Variants in PIK3C2A observed in about 807,000 individuals in gnomAD.
PIK3C2A encodes the protein phosphatidylinositol 4-phosphate 3-kinase C2 domain-containing subunit alpha.
In PIK3C2A, 97 loss-of-function variants were observed where a neutral mutation model predicts 204.5. That is an observed-to-expected ratio of 0.47 (90% CI 0.40 to 0.56). The LOEUF is 0.56. PIK3C2A is among the 20% of genes least tolerant of loss of function. The pLI, the probability that PIK3C2A is intolerant of heterozygous loss-of-function variation, is 0.00. For missense variants in PIK3C2A, 1,735 were observed against 1,969.2 expected, an observed-to-expected ratio of 0.88 and a Z score of 2.25; for synonymous variants, 653 against 664.4, an observed-to-expected ratio of 0.98 and a Z score of 0.26.
In PIK3C2A at chr11:17,168,872, C is replaced by T. The variant is rs765275571; in HGVS notation, c.870G>A (p.Glu290=). The change falls in exon 2 of 33, where the codon GAG becomes GAA. Residue 290 remains glutamate, a synonymous_variant. Coordinates refer to ENST00000691414, the MANE Select transcript of PIK3C2A (RefSeq NM_002645.4). The stretch of plus-strand genomic sequence containing the variant: ...GCAAACTTGAAACATTTTTCTCTTC[C>T]TCATGGTCTAATACCTCCACATTAT... ...KVDNVEVLDH[E]EEKNVSSLLA... 10 of 1,614,104 alleles carry T rather than the reference C, an allele frequency of 6.2e-6. No homozygotes were observed. The highest frequency in any genetic ancestry group is 6.8e-6 in the Non-Finnish European group (8 of 1,180,012).
rs774037537 is a variant in PIK3C2A at position 17,101,410 on chromosome 11, G to A, written c.3876C>T (p.Thr1292=). 24 of 1,557,576 alleles carry A rather than the reference G, an allele frequency of 1.5e-5. No homozygotes were observed. Among genetic ancestry groups the A allele is most frequent in the Non-Finnish European group, 1.7e-5 (19 of 1,142,932 alleles). Residue 1292 remains threonine, a synonymous_variant, in exon 25 of 33, where the codon ACC becomes ACT. Coordinates refer to ENST00000691414, the MANE Select transcript of PIK3C2A (RefSeq NM_002645.4). Reference sequence around the variant, plus strand: ...CATTAATGACATATGCCATATCAGAGGTCAGCACAAAAGGAGCCCGATCCC... The same window carrying A: ...CATTAATGACATATGCCATATCAGAAGTCAGCACAAAAGGAGCCCGATCCC... The part of the protein sequence containing the change: ...FKRDRAPFVL[T]SDMAYVINGG...
rs1403912240 is a variant in PIK3C2A at position 17,147,572 on chromosome 11, T to A, written c.1505A>T (p.Glu502Val). The A allele has an allele frequency of 1.9e-6, 3 of 1,613,126 alleles. No homozygotes were observed. The South Asian group carries it at 3.3e-5, about 18-fold the overall frequency. The change falls in exon 6 of 33, where the codon GAA becomes GTA. Residue 502 changes from glutamate to valine, a missense_variant. By Grantham distance (121) the Glu-to-Val change is moderately radical. Around this residue, in one of 6 missense-constraint regions of PIK3C2A, gnomAD observed 13 missense variants for 41.1 expected, o/e 0.32. Transcript: ENST00000691414. ...HIQNCRKWDT[E>V]IRLQLLTFSA... ...GAAGGTCAAGAGTTGTAGTCTAATT[T>A]CTGTGTCCCATTTTCGACAGTTTTG...
In PIK3C2A at chr11:17,151,168, A is replaced by T. The variant is rs555765942; in HGVS notation, c.1170-513T>A. Among the ~76,000 whole-genome samples the T allele has an allele frequency of 4.6e-5, 7 of 152,348 alleles. No homozygotes were observed. In the East Asian group the frequency reaches 1.3e-3, roughly 29 times the overall value. On this transcript the variant is annotated intron_variant, in intron 3 of 32. Transcript: ENST00000691414. ...GACAATGGTTTTTTACAGTGCTACA[A>T]GGCCTTTCTTCCCTCAAAGTGATTT...
Position 17,156,398 on chromosome 11 carries a change from G to GT in PIK3C2A, c.1066-770dup, listed in dbSNP as rs1850594129. Among the ~76,000 whole-genome samples, 12 of 151,900 alleles carry GT rather than the reference G, an allele frequency of 7.9e-5. No individual in the cohort carries two copies. In the South Asian group the frequency reaches 2.5e-3, roughly 32 times the overall value. Reference sequence around the variant, plus strand: ...CACACAAAAAGACTTTTTTTTCTTTGTTTTTTGAGACAAGGACTCATTCTG... The same window carrying GT: ...CACACAAAAAGACTTTTTTTTCTTTGTTTTTTTGAGACAAGGACTCATTCTG... On this transcript the variant is annotated intron_variant, in intron 2 of 32. Transcript: ENST00000691414.
At position 17,200,607 on chromosome 11, in the gene PIK3C2A, G is replaced by A. The variant is rs187226463; in HGVS notation, c.-66+7241C>T. Reference sequence around the variant, plus strand: ...CCAGGGAGTGAGGGGTGGGCTGAAGGGATTTACTTCAAAAGGGCATAATTA... The same window carrying A: ...CCAGGGAGTGAGGGGTGGGCTGAAGAGATTTACTTCAAAAGGGCATAATTA... On this transcript the variant is annotated intron_variant, in intron 1 of 32. Coordinates refer to ENST00000691414, the MANE Select transcript of PIK3C2A (RefSeq NM_002645.4). Among the ~76,000 whole-genome samples, 7 of 152,176 alleles carry A rather than the reference G, an allele frequency of 4.6e-5. No individual in the cohort carries two copies. The East Asian group carries it at 1.2e-3, about 25-fold the overall frequency.
chr11:17,182,480 C>T (rs1166615237), intron 1 of PIK3C2A, among the ~76,000 whole-genome samples: 1 of 149,576 alleles, frequency 6.7e-6, no homozygotes, highest in African/African-American at 2.5e-5. Context: ...CAGGTAGGAG[C>T]ATCACTTGAG....
At chr11:17,193,145 T>C (rs1374790036) in intron 1 of PIK3C2A, among the ~76,000 whole-genome samples, 1 of 152,226 alleles carries the variant, frequency 6.6e-6, no homozygotes, top group Admixed American at 6.5e-5. Flanking sequence ...CAAGCGGATG[T>C]TAGTACTACC....
rs780415734 is a variant in PIK3C2A at position 17,119,295 on chromosome 11, T to C, written c.2865A>G (p.Val955=). 2 of 1,598,508 alleles carry C rather than the reference T, an allele frequency of 1.3e-6. No individual in the cohort carries two copies. Among genetic ancestry groups the C allele is most frequent in the Non-Finnish European group, 1.7e-6 (2 of 1,166,762 alleles). ...CAATCCAGGTCACAGCTAGGGATCT[T>C]ACTTCCTGATCAGCAAATCTAGAAG... ...LLDSKFADQE[V]RSLAVTWIEA... is the part of the protein sequence containing the mutation. The change falls in exon 17 of 33, where the codon GTA becomes GTG. Residue 955 remains valine, a synonymous_variant. Transcript: ENST00000691414.
chr11:17,166,206 G>A (rs990546307), intron 2 of PIK3C2A, among the ~76,000 whole-genome samples: 5 of 152,108 alleles, frequency 3.3e-5, no homozygotes, highest in Non-Finnish European at 4.4e-5. Flanking sequence ...GGCCTCATAG[G>A]ATTCTTGTGA....
chr11:17,206,531 C>T (rs528889024), intron 1 of PIK3C2A, among the ~76,000 whole-genome samples: 1 of 151,050 alleles, frequency 6.6e-6, no homozygotes, highest in South Asian at 2.1e-4. Context: ...AAAAAAAGCA[C>T]CATTCTGCTG....
intron 23 of PIK3C2A, among the ~76,000 whole-genome samples, chr11:17,104,291 C>T (rs1324970823): frequency 6.6e-6 from 1 of 152,146 alleles, no homozygotes; most frequent in East Asian, 1.9e-4. Flanking sequence ...ACAACTTTCA[C>T]TATGCAGTGC....
chr11:17,096,030 T>C (rs989900386), intron 27 of PIK3C2A, among the ~76,000 whole-genome samples: 5 of 151,308 alleles, frequency 3.3e-5, no homozygotes, highest in African/African-American at 1.2e-4. Flanking sequence ...CTTGTTTTGC[T>C]GGCTAGTTAA....
chr11:17,158,782 T>C (rs1850686245), intron 2 of PIK3C2A, among the ~76,000 whole-genome samples: 2 of 152,172 alleles, frequency 1.3e-5, no homozygotes, highest in Admixed American at 6.5e-5. Flanking sequence ...TTAGGTGGCA[T>C]TTTAGGATTT....
chr11:17,145,705 G>A lies in PIK3C2A; in HGVS notation c.1667C>T (p.Ser556Phe). 1 of 1,608,776 alleles carries A rather than the reference G, an allele frequency of 6.2e-7. No individual in the cohort carries two copies. The highest frequency in any genetic ancestry group is 8.5e-7 in the Non-Finnish European group (1 of 1,175,564). The change falls in exon 8 of 33, where the codon TCT (serine) becomes TTT (phenylalanine). Residue 556 changes from serine (S) to phenylalanine (F), a missense_variant. Ser to Phe is a radical substitution (Grantham distance 155, BLOSUM62 -2). Around this residue, in one of 6 missense-constraint regions of PIK3C2A, gnomAD observed 106 missense variants for 108.2 expected, o/e 0.98. Coordinates refer to ENST00000691414, the MANE Select transcript of PIK3C2A (RefSeq NM_002645.4). ...TRHPVEELLD[S>F]YHNQVELALQ... ...AGCCAGTTCTACTTGGTTGTGATAAGAATCTAAGAGTTCTTCAACAGGGTG... is the reference window on the plus strand; with the variant it reads ...AGCCAGTTCTACTTGGTTGTGATAAAAATCTAAGAGTTCTTCAACAGGGTG...
chr11:17,164,628 T>C (rs1448843394), intron 2 of PIK3C2A, among the ~76,000 whole-genome samples: 1 of 152,212 alleles, frequency 6.6e-6, no homozygotes, highest in African/African-American at 2.4e-5. Context: ...ATATTATTGC[T>C]TACCCAGTTT....
At chr11:17,177,996 G>GGAA (rs1344402676) in intron 1 of PIK3C2A, among the ~76,000 whole-genome samples, 3 of 148,302 alleles carry the variant, frequency 2.0e-5, no homozygotes, top group Non-Finnish European at 4.4e-5. Context: ...CCAAGGCTGA[G>GGAA]GAAGAAGAAC....
At chr11:17,111,904 C>A (rs867568834) in intron 21 of PIK3C2A, among the ~76,000 whole-genome samples, 409 of 99,756 alleles carry the variant, frequency 4.1e-3, no homozygotes, top group Middle Eastern at 0.026. Context: ...AAAAAAAATT[C>A]AAAAAAAAAA....
intron 1 of PIK3C2A, among the ~76,000 whole-genome samples, chr11:17,206,735 TCTA>T (rs1016875101): frequency 2.0e-5 from 3 of 152,308 alleles, no homozygotes; most frequent in Non-Finnish European, 4.4e-5. Context: ...CTTCCCTCTT[TCTA>T]CTATGTCTTC....
At chr11:17,160,235 C>T in intron 2 of PIK3C2A, among the ~76,000 whole-genome samples, 1 of 151,860 alleles carries the variant, frequency 6.6e-6, no homozygotes, top group Non-Finnish European at 1.5e-5. Context: ...AAGCACTGGC[C>T]AAGGGAAAAC....
Sources: allele counts gnomAD v4.1 joint callset (sites outside exome capture counted in the v4.1 genomes callset), GRCh38; gene constraint gnomAD v4.1.1; regional missense constraint gnomAD v4.1.1; transcripts MANE v1.5; gene names NCBI Gene and HGNC (gene_info 2026-07-23, HGNC 2026-07-21).